Variants in TEX9 observed in about 807,000 individuals in gnomAD.
The protein encoded by TEX9 is testis-expressed protein 9.
A neutral mutation model predicts 59.6 loss-of-function variants in TEX9; 74 were observed. That is an observed-to-expected ratio of 1.24 (90% confidence interval 1.03 to 1.51). The LOEUF is 1.51. Ranked by LOEUF, TEX9 falls within the 40% of genes most tolerant of loss-of-function variation. TEX9 has a pLI of 0.00. For synonymous variants in TEX9, 186 were observed against 152.2 expected (o/e 1.22, Z -1.64); for missense variants, 522 against 447.8 (o/e 1.17, Z -1.49).
At chr15:56,277,064 A>G (rs1228076655) in intron 1 of TEX9, among the ~76,000 whole-genome samples, 8 of 151,860 alleles carry the variant, frequency 5.3e-5, no homozygotes, top group East Asian at 1.9e-4. Context: ...GATTCTGGAT[A>G]TTAGACCTTT....
At chr15:56,414,296 T>G (rs1236078036) in intron 10 of TEX9, among the ~76,000 whole-genome samples, 1 of 151,688 alleles carries the variant, frequency 6.6e-6, no homozygotes, top group Non-Finnish European at 1.5e-5. Context: ...GTTGCATAGG[T>G]AAACAGGTGT....
At chr15:56,287,787 G>T (rs1328074941) in intron 1 of TEX9, among the ~76,000 whole-genome samples, 8 of 152,080 alleles carry the variant, frequency 5.3e-5, no homozygotes, top group African/African-American at 1.9e-4. Flanking sequence ...GTTCTTCTGT[G>T]CTTGCCTTAT....
At chr15:56,392,883 C>T (rs1430472446) in intron 7 of TEX9, among the ~76,000 whole-genome samples, 1 of 152,140 alleles carries the variant, frequency 6.6e-6, no homozygotes, top group Non-Finnish European at 1.5e-5. Flanking sequence ...CCTGTGTTCC[C>T]TTTTTAGTAT....
At chr15:56,249,592 G>A (rs1223866006) in intron 1 of TEX9, among the ~76,000 whole-genome samples, 1 of 151,746 alleles carries the variant, frequency 6.6e-6, no homozygotes, top group African/African-American at 2.4e-5. Flanking sequence ...ACAAAAATTA[G>A]CCGGGCATGA....
chr15:56,382,907 C>G (rs1261086269), intron 3 of TEX9, among the ~76,000 whole-genome samples: 1 of 152,122 alleles, frequency 6.6e-6, no homozygotes, highest in African/African-American at 2.4e-5. Context: ...TGGTGTCTCC[C>G]TAGGTGCCAG....
intron 12 of TEX9, among the ~76,000 whole-genome samples, chr15:56,439,777 AACACACAC>A (rs755190091): frequency 6.6e-6 from 1 of 150,594 alleles, no homozygotes; most frequent in Non-Finnish European, 1.5e-5. Context: ...AAAAAAACAA[AACACACAC>A]ACACACACAA....
chr15:56,441,578 G>T (rs1226368108), intron 12 of TEX9, among the ~76,000 whole-genome samples: 1 of 152,144 alleles, frequency 6.6e-6, no homozygotes, highest in Non-Finnish European at 1.5e-5. Flanking sequence ...TTAAACTAAA[G>T]AGTTTCTTCA....
At position 56,263,280 on chromosome 15, in the gene TEX9, C is replaced by T. The variant is rs1351043314; in HGVS notation, c.-107+19002C>T. Among the ~76,000 whole-genome samples, 5 of 152,296 alleles carry T rather than the reference C, an allele frequency of 3.3e-5. No individual in the cohort carries two copies. In the South Asian group the frequency reaches 1.0e-3, roughly 32 times the overall value. Reference sequence around the variant, plus strand: ...TTAGGTGATCCACCTGCCTTGGCCTCCCAAAGTTCTGGGATTACAGGCGTG... The same window carrying T: ...TTAGGTGATCCACCTGCCTTGGCCTTCCAAAGTTCTGGGATTACAGGCGTG... On this transcript the variant is annotated intron_variant, in intron 1 of 5. Transcript: ENST00000560827.
At chr15:56,404,825 C>T (rs1285955098) in intron 9 of TEX9, among the ~76,000 whole-genome samples, 5 of 152,094 alleles carry the variant, frequency 3.3e-5, no homozygotes, top group African/African-American at 1.2e-4. Flanking sequence ...AGTTTATGTC[C>T]TTTGCAGGGA....
intron 9 of TEX9, among the ~76,000 whole-genome samples, chr15:56,399,011 A>G (rs1315431934): frequency 1.2e-4 from 18 of 152,178 alleles, no homozygotes; most frequent in Admixed American, 1.1e-3. Flanking sequence ...CCAAATAGGA[A>G]CAGCTCTGGT....
At chr15:56,258,295 T>A (rs2044187703) in intron 1 of TEX9, among the ~76,000 whole-genome samples, 1 of 152,036 alleles carries the variant, frequency 6.6e-6, no homozygotes. Context: ...TCCATATGAA[T>A]TTTAAAATTG....
chr15:56,314,900 T>C (rs1171232714), intron 1 of TEX9, among the ~76,000 whole-genome samples: 1 of 151,920 alleles, frequency 6.6e-6, no homozygotes, highest in Non-Finnish European at 1.5e-5. Flanking sequence ...TTTACCATTA[T>C]GTAATGGCCT....
At chr15:56,457,609 GCCAGGAGTTTGAGAC>G in the TEX9 span, among the ~76,000 whole-genome samples, 2 of 152,092 alleles carry the variant, frequency 1.3e-5, no homozygotes, top group East Asian at 3.8e-4. Context: ...GATCCTTAAG[GCCAGGAGTTTGAGAC>G]CAGCCTGGGC....
upstream of TEX9, among the ~76,000 whole-genome samples, chr15:56,362,742 C>T (rs144266159): frequency 9.5e-3 from 1,445 of 152,296 alleles, 10 homozygotes; most frequent in Middle Eastern, 0.034. Flanking sequence ...TACTAATCTA[C>T]TTCTGTCACT....
At chr15:56,329,439 T>A (rs1338223258) in intron 1 of TEX9, among the ~76,000 whole-genome samples, 5 of 152,070 alleles carry the variant, frequency 3.3e-5, no homozygotes, top group African/African-American at 1.2e-4. Context: ...ACGAACTAAA[T>A]GAGTTAATTT....
chr15:56,431,289 C>T (rs2050587476), intron 12 of TEX9: 11 of 1,520,766 alleles, frequency 7.2e-6, no homozygotes, highest in Non-Finnish European at 9.8e-6. Context: ...GTGAGCAAAA[C>T]CAAGGCACTC....
At chr15:56,356,975 G>C (rs2725866) in intron 1 of TEX9, among the ~76,000 whole-genome samples, 4,796 of 152,062 alleles carry the variant, frequency 0.032, 186 homozygotes, top group East Asian at 0.095. Context: ...ATTTAGCTGG[G>C]TCCCATTTAG....
chr15:56,458,152 T>G, the TEX9 span, among the ~76,000 whole-genome samples: 1 of 152,250 alleles, frequency 6.6e-6, no homozygotes, highest in Non-Finnish European at 1.5e-5. Flanking sequence ...TGTAACATTC[T>G]TGGTACATGT....
intron 1 of TEX9, among the ~76,000 whole-genome samples, chr15:56,263,591 C>G (rs1385428919): frequency 6.6e-6 from 1 of 152,098 alleles, no homozygotes; most frequent in African/African-American, 2.4e-5. Context: ...GTTCACCATT[C>G]TTACTAGATA....
Sources: gnomAD v4.1 joint callset for allele counts (sites outside exome capture counted in the v4.1 genomes callset) on GRCh38, gnomAD v4.1.1 for gene constraint, MANE v1.5 for transcripts, NCBI Gene and HGNC (gene_info 2026-07-23, HGNC 2026-07-21) for gene names.